The following IMMP2L variants were observed in gnomAD, a reference collection of about 807,000 sequenced individuals.
The protein encoded by IMMP2L is mitochondrial inner membrane protease subunit 2.
A neutral mutation model predicts 19.3 loss-of-function variants in IMMP2L; 18 were observed. The observed-to-expected ratio is 0.93, with a 90% CI of 0.64 to 1.38. The LOEUF is 1.38. IMMP2L is among the 40% of genes most tolerant of loss of function. IMMP2L has a pLI of 0.00. For missense variants in IMMP2L, 233 were observed against 218.2 expected, an observed-to-expected ratio of 1.07 and a Z score of -0.43; for synonymous variants, 76 against 73.0, an observed-to-expected ratio of 1.04 and a Z score of -0.21.
At chr7:111,419,403 C>A (rs1419307366) in intron 3 of IMMP2L, among the ~76,000 whole-genome samples, 1 of 151,472 alleles carries the variant, frequency 6.6e-6, no homozygotes, top group African/African-American at 2.4e-5. Context: ...AGGAAATGGG[C>A]CCCAAAATCA....
intron 5 of IMMP2L, among the ~76,000 whole-genome samples, chr7:110,725,072 A>G (rs1245378106): frequency 1.3e-5 from 2 of 152,182 alleles, no homozygotes; most frequent in African/African-American, 4.8e-5. Flanking sequence ...TAAACAACAG[A>G]TTTGTTATAA....
At chr7:111,476,705 T>C (rs1189708017) in intron 3 of IMMP2L, among the ~76,000 whole-genome samples, 1 of 152,204 alleles carries the variant, frequency 6.6e-6, no homozygotes, top group Non-Finnish European at 1.5e-5. Context: ...TGATCTTTGA[T>C]TGAAGGTTAT....
At chr7:111,173,918 G>A (rs958365731) in intron 3 of IMMP2L, among the ~76,000 whole-genome samples, 2 of 151,652 alleles carry the variant, frequency 1.3e-5, no homozygotes, top group African/African-American at 4.8e-5. Context: ...TGTTCTAAAA[G>A]TATCTACAGT....
At chr7:110,883,583 C>A (rs1469161621) in intron 5 of IMMP2L, among the ~76,000 whole-genome samples, 2 of 152,096 alleles carry the variant, frequency 1.3e-5, no homozygotes, top group African/African-American at 4.8e-5. Flanking sequence ...ATATTCCCTG[C>A]ATACAAATTG....
chr7:111,463,706 A>G (rs1026824578), intron 3 of IMMP2L, among the ~76,000 whole-genome samples: 4 of 152,054 alleles, frequency 2.6e-5, no homozygotes, highest in Admixed American at 6.6e-5. Context: ...CACTGTTGCT[A>G]GTCCCTGGGC....
rs149429802 is a variant in IMMP2L, at chr7:111,123,888, T to C, written c.240-160323A>G. 5.2e-4 allele frequency: 840 copies of C among 1,614,000 alleles called. 1 individual carries two copies. The highest frequency in any genetic ancestry group is 5.9e-4 in the Non-Finnish European group (701 of 1,179,990). ...GCATACACAGTAACCCCATCAGGTG[T>C]GACTGTGTCATCCGTTGGATGAACA... is the stretch of plus-strand genomic sequence containing the variant. On this transcript the variant is annotated intron_variant, in intron 3 of 5. Transcript: ENST00000405709. The surrounding 1 kb of genome is among the most constrained non-coding windows in gnomAD (Gnocchi z 6.4).
chr7:111,351,785 T>C (rs1251277469), intron 3 of IMMP2L, among the ~76,000 whole-genome samples: 2 of 152,188 alleles, frequency 1.3e-5, no homozygotes, highest in East Asian at 3.8e-4. Flanking sequence ...TGCAGACATA[T>C]TGTCCATCTC....
chr7:110,941,453 T>A (rs1055708786), intron 4 of IMMP2L, among the ~76,000 whole-genome samples: 1 of 152,158 alleles, frequency 6.6e-6, no homozygotes, highest in Non-Finnish European at 1.5e-5. Context: ...ACAAAAGACA[T>A]CTCTTCAGTT....
intron 3 of IMMP2L, among the ~76,000 whole-genome samples, chr7:111,015,491 G>A (rs1008251172): frequency 1.3e-5 from 2 of 152,068 alleles, no homozygotes; most frequent in African/African-American, 2.4e-5. Context: ...TTAAAACAAC[G>A]TGAATATACT....
intron 3 of IMMP2L, among the ~76,000 whole-genome samples, chr7:111,429,488 T>A (rs934093485): frequency 2.0e-5 from 3 of 151,760 alleles, no homozygotes; most frequent in Non-Finnish European, 2.9e-5. Flanking sequence ...CTAGGCATGG[T>A]TCCTGAATTC....
At chr7:111,397,918 T>C (rs990759041) in intron 3 of IMMP2L, among the ~76,000 whole-genome samples, 18 of 152,150 alleles carry the variant, frequency 1.2e-4, no homozygotes, top group Admixed American at 2.0e-4. Context: ...TTTGGTTTTA[T>C]ATCGAGGAAG....
At chr7:110,847,764 A>ACTGATCTTTG (rs1805811379) in intron 5 of IMMP2L, among the ~76,000 whole-genome samples, 2 of 152,168 alleles carry the variant, frequency 1.3e-5, no homozygotes, top group South Asian at 4.1e-4. Context: ...GGATATAGTC[A>ACTGATCTTTG]ACTGATCTTT....
intron 3 of IMMP2L, among the ~76,000 whole-genome samples, chr7:111,308,797 C>A (rs1293520156): frequency 6.6e-6 from 1 of 152,000 alleles, no homozygotes; most frequent in Non-Finnish European, 1.5e-5. Context: ...AGAATATCCT[C>A]CAGTTTTGCA....
At chr7:111,116,945 C>A (rs138691520) in intron 3 of IMMP2L, among the ~76,000 whole-genome samples, 1 of 152,260 alleles carries the variant, frequency 6.6e-6, no homozygotes, top group Non-Finnish European at 1.5e-5. Context: ...GAATTCACAT[C>A]TGAATTTAGA....
chr7:110,825,888 G>C (rs1026026543), intron 5 of IMMP2L, among the ~76,000 whole-genome samples: 9 of 152,120 alleles, frequency 5.9e-5, no homozygotes, highest in African/African-American at 1.7e-4. Flanking sequence ...ACCACCATCA[G>C]AGTGAACAGG....
intron 3 of IMMP2L, among the ~76,000 whole-genome samples, chr7:111,262,008 T>C (rs1278647257): frequency 6.6e-6 from 1 of 152,014 alleles, no homozygotes; most frequent in Non-Finnish European, 1.5e-5. Context: ...GAGATGACAG[T>C]GGAAATTTAA....
In IMMP2L at chr7:111,358,951, T is replaced by C. The variant is rs567479393; in HGVS notation, c.239+128287A>G. Among the ~76,000 whole-genome samples, 186 of 152,314 alleles carry C rather than the reference T, an allele frequency of 1.2e-3. 1 individual carries two copies. Among genetic ancestry groups the C allele is most frequent in the South Asian group, 2.3e-3 (11 of 4,828 alleles). The stretch of plus-strand genomic sequence containing the variant: ...TTCCTAGGTGTGCAGATTAGTGTAC[T>C]CAACTCCATTTCAGTTGTGTTCTTT... On this transcript the variant is annotated intron_variant, in intron 3 of 5. Transcript: ENST00000405709.
Position 110,663,673 on chromosome 7 carries a change from G to A in IMMP2L, c.457C>T (p.Pro153Ser), listed in dbSNP as rs1791225355. The change falls in exon 6 of 6, where the codon CCA becomes TCA. Residue 153 changes from proline to serine, a missense_variant. By Grantham distance (74) the Pro-to-Ser change is moderately conservative. Transcript: ENST00000405709. ...GATTCCAATTTCTGCCAGCGCTCTGGGGGCCACAGGATATGTGTGGCATGG... is the reference window on the plus strand; with the variant it reads ...GATTCCAATTTCTGCCAGCGCTCTGAGGGCCACAGGATATGTGTGGCATGG... ...HAHATHILWP[P>S]ERWQKLESVL... 1 of 1,608,622 alleles carries A rather than the reference G, an allele frequency of 6.2e-7. No individual in the cohort carries two copies.
At chr7:110,815,253 T>C (rs1300877384) in intron 5 of IMMP2L, among the ~76,000 whole-genome samples, 1 of 152,158 alleles carries the variant, frequency 6.6e-6, no homozygotes, top group Non-Finnish European at 1.5e-5. Context: ...GCTCTGTTTA[T>C]ATGCTGGATT....
Sources: allele counts gnomAD v4.1 joint callset (sites outside exome capture counted in the v4.1 genomes callset), GRCh38; gene constraint gnomAD v4.1.1; non-coding constraint Gnocchi (gnomAD v3.1); transcripts MANE v1.5; gene names NCBI Gene and HGNC (gene_info 2026-07-23, HGNC 2026-07-21).